THSD7A: variants seen among roughly 807,000 people sequenced by gnomAD.
THSD7A encodes the protein thrombospondin type 1 domain containing 7A.
Under a neutral mutation model 231.3 loss-of-function variants are expected in THSD7A, and 96 were observed. That is an observed-to-expected ratio of 0.41 (90% confidence interval 0.35 to 0.49). The LOEUF (loss-of-function observed/expected upper bound fraction) is 0.49. Among genes scored for constraint, THSD7A ranks in the 20% least tolerant of loss-of-function variants. The pLI is 0.05. For synonymous variants in THSD7A, 940 were observed against 743.3 expected (o/e 1.26, Z -4.30); for missense variants, 2,290 against 2,070.2 (o/e 1.11, Z -2.06).
At chr7:11,576,445 T>C (rs559457008) in intron 4 of THSD7A, among the ~76,000 whole-genome samples, 47 of 152,270 alleles carry the variant, frequency 3.1e-4, no homozygotes, top group Admixed American at 1.3e-4. Context: ...CATTGCCCTA[T>C]CTAGAGGACA....
At chr7:11,445,509 C>T (rs1375961116) in intron 13 of THSD7A, among the ~76,000 whole-genome samples, 4 of 130,296 alleles carry the variant, frequency 3.1e-5, no homozygotes, top group Non-Finnish European at 6.3e-5. Flanking sequence ...TTTGTTTGTT[C>T]GTTTGTTTTA....
intron 6 of THSD7A, among the ~76,000 whole-genome samples, chr7:11,484,258 C>G (rs17632003): frequency 0.12 from 18,724 of 152,124 alleles, 1,371 homozygotes; most frequent in Middle Eastern, 0.18. Context: ...GTTCTGATCA[C>G]TGTCTCACAT....
chr7:11,436,189 G>T (rs2128291933), intron 13 of THSD7A, among the ~76,000 whole-genome samples: 1 of 152,078 alleles, frequency 6.6e-6, no homozygotes, highest in South Asian at 2.1e-4. Flanking sequence ...GCTTTGTCAG[G>T]AATACAAACA....
Position 11,832,170 on chromosome 7 carries a change from G to A in THSD7A, c.-224C>T. Reference sequence around the variant, plus strand: ...CGCCGCCGCCGCCTCTGGCGGGGATGCTGCTGCCGCTGCCATTCCTCGCAG... The same window carrying A: ...CGCCGCCGCCGCCTCTGGCGGGGATACTGCTGCCGCTGCCATTCCTCGCAG... On this transcript the variant is annotated 5_prime_UTR_variant, in exon 1 of 28. Transcript: ENST00000423059. 3.2e-6 allele frequency: 1 copy of A among 314,680 alleles called. No individual in the cohort carries two copies. Among genetic ancestry groups the A allele is most frequent in the Non-Finnish European group, 5.7e-6 (1 of 174,588 alleles). 19.5% of individuals were successfully genotyped at this position (314,680 alleles called of 1,614,324 possible).
chr7:11,674,873 T>C (rs183149290), intron 1 of THSD7A, among the ~76,000 whole-genome samples: 1 of 152,030 alleles, frequency 6.6e-6, no homozygotes, highest in African/African-American at 2.4e-5. Context: ...GGAAACTCAG[T>C]GAGATCCAAG....
At chr7:11,460,594 CA>C in intron 11 of THSD7A, 67 bp downstream of exon 11, 1 of 1,281,880 alleles carries the variant, frequency 7.8e-7, no homozygotes. Context: ...GTCCAAGTGG[CA>C]AATGCATCAA....
At chr7:11,589,324 C>T (rs1309773293) in intron 4 of THSD7A, among the ~76,000 whole-genome samples, 2 of 152,056 alleles carry the variant, frequency 1.3e-5, no homozygotes, top group African/African-American at 4.8e-5. Flanking sequence ...GAGATTTACC[C>T]TTGGTTTTTG....
intron 2 of THSD7A, 24 bp from the exon 3 acceptor site, chr7:11,593,526 C>G (rs775034703): frequency 6.2e-7 from 1 of 1,608,470 alleles, no homozygotes. Context: ...TTGATATTCT[C>G]ATTACAGACT....
intron 6 of THSD7A, among the ~76,000 whole-genome samples, chr7:11,501,445 A>G (rs1787333229): frequency 6.6e-6 from 1 of 152,218 alleles, no homozygotes. Flanking sequence ...GGACCACAGC[A>G]CAATAAAAAT....
chr7:11,633,521 C>T (rs905440473), intron 2 of THSD7A, among the ~76,000 whole-genome samples: 2 of 152,202 alleles, frequency 1.3e-5, no homozygotes, highest in Middle Eastern at 3.4e-3. Flanking sequence ...TGGCTTGTCC[C>T]CTCAGAAAGT....
intron 9 of THSD7A, among the ~76,000 whole-genome samples, chr7:11,468,363 C>T (rs147745580): frequency 1.5e-4 from 22 of 150,626 alleles, no homozygotes; most frequent in Admixed American, 1.3e-4. Context: ...ATTCTACTGC[C>T]AACTGTGACC....
Position 11,370,652 on chromosome 7 carries a change from C to T in THSD7A, c.*5142G>A, listed in dbSNP as rs762604158. On this transcript the variant is annotated 3_prime_UTR_variant, in exon 28 of 28. Transcript: ENST00000423059. ...ACATAATGTAAAATAAATTACATTA[C>T]GCAATTTACAAAGTAATATTAACAA... is the stretch of plus-strand genomic sequence containing the variant. 11 of 152,018 alleles carry T rather than the reference C, an allele frequency of 7.2e-5. No individual in the cohort carries two copies. Among genetic ancestry groups the T allele is most frequent in the South Asian group, 4.1e-4 (2 of 4,826 alleles). The allele number at this position is 152,018 out of a possible 1,614,324, so 9.4% of individuals were successfully genotyped here.
At chr7:11,425,820 C>A (rs1045749830) in intron 15 of THSD7A, among the ~76,000 whole-genome samples, 4 of 151,442 alleles carry the variant, frequency 2.6e-5, no homozygotes, top group Non-Finnish European at 4.4e-5. Context: ...GAAACTATAG[C>A]TTTTTATGTA....
At chr7:11,817,786 G>A (rs1784750434) in intron 1 of THSD7A, among the ~76,000 whole-genome samples, 1 of 152,042 alleles carries the variant, frequency 6.6e-6, no homozygotes, top group Non-Finnish European at 1.5e-5. Flanking sequence ...ATAAAAGACA[G>A]AGATTAGAAA....
intron 1 of THSD7A, among the ~76,000 whole-genome samples, chr7:11,805,095 C>T (rs78644589): frequency 0.02 from 3,103 of 152,174 alleles, 39 homozygotes; most frequent in Non-Finnish European, 0.033. Flanking sequence ...CATATATCCA[C>T]CTGCCTGAGC....
At chr7:11,400,813 C>T (rs1347471771) in intron 23 of THSD7A, among the ~76,000 whole-genome samples, 3 of 152,134 alleles carry the variant, frequency 2.0e-5, no homozygotes, top group South Asian at 4.1e-4. Context: ...TATTTTGTCT[C>T]CTACTTGCTA....
rs112430112 is a variant in THSD7A at position 11,415,228 on chromosome 7, G to A, written c.3537+2222C>T. On this transcript the variant is annotated intron_variant, in intron 17 of 27. Coordinates refer to ENST00000423059, the MANE Select transcript of THSD7A (RefSeq NM_015204.3). ...CATACTCCCTATGCAAAAGGGAAGC[G>A]TAAGCTTGGAGGCCGTCTTGCAACA... Among the ~76,000 whole-genome samples, 777 of 152,322 alleles carry A rather than the reference G, an allele frequency of 5.1e-3. 4 individuals carry two copies. Among genetic ancestry groups the A allele is most frequent in the African/African-American group, 0.018 (734 of 41,578 alleles).
At chr7:11,560,469 A>T (rs892046858) in intron 4 of THSD7A, among the ~76,000 whole-genome samples, 1 of 152,182 alleles carries the variant, frequency 6.6e-6, no homozygotes, top group African/African-American at 2.4e-5. Context: ...AAACAAGGTC[A>T]CTGTGAGAGC....
At chr7:11,430,457 G>A (rs1784445672) in intron 13 of THSD7A, among the ~76,000 whole-genome samples, 1 of 152,020 alleles carries the variant, frequency 6.6e-6, no homozygotes, top group African/African-American at 2.4e-5. Context: ...AAAACATTAT[G>A]TGATCTTATT....
Sources: allele counts gnomAD v4.1 joint callset (sites outside exome capture counted in the v4.1 genomes callset), GRCh38; gene constraint gnomAD v4.1.1; transcripts MANE v1.5; gene names NCBI Gene and HGNC (gene_info 2026-07-23, HGNC 2026-07-21).